Variants in CDC20B observed in about 807,000 individuals in gnomAD.
The protein encoded by CDC20B is cell division cycle 20B.
CDC20B carries 58 observed loss-of-function variants against 64.1 expected under a neutral mutation model. The ratio of observed to expected loss-of-function variants is 0.90; its 90% CI spans 0.73 to 1.13. CDC20B has a LOEUF of 1.13. CDC20B is among the 50% of genes most tolerant of loss of function. The pLI is 0.00. For synonymous variants in CDC20B, 243 were observed against 230.6 expected (o/e 1.05, Z -0.49); for missense variants, 597 against 633.0 (o/e 0.94, Z 0.61).
intron 3 of CDC20B, among the ~76,000 whole-genome samples, chr5:55,145,470 C>T (rs1267318962): frequency 6.6e-6 from 1 of 152,216 alleles, no homozygotes; most frequent in African/African-American, 2.4e-5. Context: ...ATGGGAATTA[C>T]ATCAGCTGAT....
At chr5:55,116,652 T>C (rs1323117158) in intron 11 of CDC20B, among the ~76,000 whole-genome samples, 4 of 152,244 alleles carry the variant, frequency 2.6e-5, no homozygotes, top group Non-Finnish European at 5.9e-5. Flanking sequence ...CTCACCATGT[T>C]GCCCAGGCTG....
chr5:55,124,753 C>G, intron 9 of CDC20B, 50 bp downstream of exon 9: 1 of 1,410,096 alleles, frequency 7.1e-7, no homozygotes, highest in Non-Finnish European at 9.9e-7. Context: ...TGAAGGATAC[C>G]CAGTGGCCTC....
At chr5:55,162,089 T>TAAA (rs1744098150) in intron 2 of CDC20B, among the ~76,000 whole-genome samples, 1 of 41,666 alleles carries the variant, frequency 2.4e-5, no homozygotes. Flanking sequence ...ACCATATTAG[T>TAAA]CAAAAAAAAA....
intron 2 of CDC20B, among the ~76,000 whole-genome samples, chr5:55,152,146 G>A (rs1743685243): frequency 6.6e-6 from 1 of 152,248 alleles, no homozygotes; most frequent in Non-Finnish European, 1.5e-5. Flanking sequence ...GAAGAGGCAA[G>A]GAATGGATTC....
intron 6 of CDC20B, among the ~76,000 whole-genome samples, chr5:55,132,778 T>C (rs1743062552): frequency 6.6e-6 from 1 of 152,234 alleles, no homozygotes. Flanking sequence ...GTCCCCAATG[T>C]ATCTTCTTCA....
At chr5:55,139,402 G>C (rs1411716921) in intron 5 of CDC20B, among the ~76,000 whole-genome samples, 2 of 152,186 alleles carry the variant, frequency 1.3e-5, no homozygotes, top group Non-Finnish European at 2.9e-5. Flanking sequence ...CAAGAAAGCA[G>C]CCTGTTCAGC....
chr5:55,130,111 C>G (rs922713135), intron 6 of CDC20B, among the ~76,000 whole-genome samples: 2 of 151,950 alleles, frequency 1.3e-5, no homozygotes, highest in Non-Finnish European at 2.9e-5. Context: ...GAAGCTTTAA[C>G]AGATAAACAG....
In CDC20B at chr5:55,129,105, C is replaced by T. The variant is rs1028787845; in HGVS notation, c.698-488G>A. 3.3e-5 allele frequency among the ~76,000 whole-genome samples: 5 copies of T among 152,110 alleles called. No individual in the cohort carries two copies. In the South Asian group the frequency reaches 1.0e-3, roughly 31 times the overall value. On this transcript the variant is annotated intron_variant, in intron 6 of 11. Transcript: ENST00000381375. Reference sequence around the variant, plus strand: ...TCTATAGCTTATACTAATAAGAAACCTTTGACTGCTAAGAGAAAACATATT... The same window carrying T: ...TCTATAGCTTATACTAATAAGAAACTTTTGACTGCTAAGAGAAAACATATT...
chr5:55,115,871 T>A (rs1031144027), intron 11 of CDC20B, among the ~76,000 whole-genome samples: 1 of 152,148 alleles, frequency 6.6e-6, no homozygotes, highest in African/African-American at 2.4e-5. Flanking sequence ...TCCACGTGCA[T>A]GCGCAAGCAC....
intron 4 of CDC20B, among the ~76,000 whole-genome samples, 173 bp from the exon 5 acceptor site, chr5:55,140,580 T>C (rs1279262151): frequency 6.6e-6 from 1 of 152,204 alleles, no homozygotes; most frequent in African/African-American, 2.4e-5. Context: ...AACAATATAT[T>C]ATGAACAGTG....
intron 2 of CDC20B, among the ~76,000 whole-genome samples, chr5:55,171,705 C>A (rs1744605662): frequency 6.6e-6 from 1 of 152,138 alleles, no homozygotes; most frequent in African/African-American, 2.4e-5. Context: ...TGGGCTCAAG[C>A]AATCCTCCTG....
chr5:55,149,048 T>A (rs1376436891), intron 2 of CDC20B, among the ~76,000 whole-genome samples: 1 of 152,176 alleles, frequency 6.6e-6, no homozygotes, highest in Non-Finnish European at 1.5e-5. Context: ...AGACAGAGAC[T>A]AAGTGTTTAC....
chr5:55,143,741 T>G (rs1743395755), intron 3 of CDC20B, 98 bp from the exon 4 acceptor site: 1 of 1,226,872 alleles, frequency 8.2e-7, no homozygotes, highest in Non-Finnish European at 1.1e-6. Context: ...AAGGACAGAG[T>G]GAAAAAGCCC....
chr5:55,146,449 C>T (rs1345028095), intron 3 of CDC20B, among the ~76,000 whole-genome samples, 179 bp downstream of exon 3: 1 of 152,114 alleles, frequency 6.6e-6, no homozygotes, highest in East Asian at 1.9e-4. Flanking sequence ...ACATACAGTA[C>T]CTTTCCTTTG....
chr5:55,156,647 G>A (rs1372134334), intron 2 of CDC20B, among the ~76,000 whole-genome samples: 12 of 152,158 alleles, frequency 7.9e-5, no homozygotes, highest in East Asian at 3.9e-4. Context: ...AGGCCGAGGC[G>A]GGCAGCTCAC....
intron 2 of CDC20B, among the ~76,000 whole-genome samples, chr5:55,168,873 A>G (rs955790495): frequency 6.6e-6 from 1 of 152,174 alleles, no homozygotes; most frequent in Non-Finnish European, 1.5e-5. Flanking sequence ...ATTGGGTACA[A>G]TGTTCACTAT....
In CDC20B at chr5:55,114,126, T is replaced by C. The variant is rs1742569516; in HGVS notation, c.*92A>G. On this transcript the variant is annotated 3_prime_UTR_variant, in exon 12 of 12. Coordinates refer to ENST00000381375, the MANE Select transcript of CDC20B (RefSeq NM_001170402.1). The surrounding 1 kb of genome is among the most constrained non-coding windows in gnomAD (Gnocchi z 4.1). ...CATCAAGAAGAGTATTTCAACTTGTTTGATACTCATAAAAACCCCATGGAG... is the reference window on the plus strand; with the variant it reads ...CATCAAGAAGAGTATTTCAACTTGTCTGATACTCATAAAAACCCCATGGAG... 2.7e-6 allele frequency: 4 copies of C among 1,496,766 alleles called. No homozygotes were observed. Among genetic ancestry groups the C allele is most frequent in the Admixed American group, 4.5e-5 (2 of 44,154 alleles). 92.7% of individuals were successfully genotyped at this position (1,496,766 alleles called of 1,614,324 possible). A position where few individuals can be genotyped will look rare whatever the true frequency, so the allele number is the denominator to read the frequency against.
chr5:55,127,610 T>A (rs1742927010), intron 7 of CDC20B, among the ~76,000 whole-genome samples: 1 of 152,194 alleles, frequency 6.6e-6, no homozygotes, highest in Admixed American at 6.5e-5. Flanking sequence ...CCCAGGTGAA[T>A]TCAATGTGCA....
chr5:55,115,553 G>A (rs1247395276), intron 11 of CDC20B, among the ~76,000 whole-genome samples: 1 of 152,162 alleles, frequency 6.6e-6, no homozygotes, highest in African/African-American at 2.4e-5. Flanking sequence ...GCCAAAATAG[G>A]TGAAGCTGAC....
Sources: gnomAD v4.1 joint callset for allele counts (sites outside exome capture counted in the v4.1 genomes callset) on GRCh38, gnomAD v4.1.1 for gene constraint, Gnocchi (gnomAD v3.1) non-coding constraint, MANE v1.5 for transcripts, NCBI Gene and HGNC (gene_info 2026-07-23, HGNC 2026-07-21) for gene names.